The following PRKN variants were observed in gnomAD, a reference collection of about 807,000 sequenced individuals.
PRKN encodes the protein E3 ubiquitin-protein ligase parkin.
PRKN carries 56 observed loss-of-function variants against 59.5 expected under a neutral mutation model. The ratio of observed to expected loss-of-function variants is 0.94; its 90% CI spans 0.76 to 1.18. The LOEUF is 1.18. Ranked by LOEUF, PRKN falls within the 50% of genes most tolerant of loss-of-function variation. The pLI is 0.00. For missense variants in PRKN, 657 were observed against 596.4 expected (o/e 1.10, Z -1.06); for synonymous variants, 250 against 222.1 (o/e 1.13, Z -1.12).
chr6:161,766,861 A>T (rs1789443804), intron 7 of PRKN, among the ~76,000 whole-genome samples: 1 of 152,208 alleles, frequency 6.6e-6, no homozygotes. Flanking sequence ...TTTGTGAATA[A>T]AAGGTGGAGA....
chr6:162,620,160 C>T (rs938891702), intron 1 of PRKN, among the ~76,000 whole-genome samples: 2 of 152,108 alleles, frequency 1.3e-5, no homozygotes, highest in Non-Finnish European at 2.9e-5. Flanking sequence ...CTCCTGACTT[C>T]TGGCATTTGT....
chr6:162,197,144 C>T lies in PRKN; in HGVS notation c.534+3987G>A, dbSNP rs573190416. Among the ~76,000 whole-genome samples the T allele has an allele frequency of 7.2e-5, 11 of 152,166 alleles. 1 individual carries two copies. Among genetic ancestry groups the T allele is most frequent in the African/African-American group, 1.9e-4 (8 of 41,524 alleles). ...GATCAGAGACAATTATGTAAGTTAT[C>T]GATCCTTATAAAGTTCTAGAAAATG... On this transcript the variant is annotated intron_variant, in intron 4 of 11. Coordinates refer to ENST00000366898, the MANE Select transcript of PRKN (RefSeq NM_004562.3).
intron 4 of PRKN, among the ~76,000 whole-genome samples, chr6:162,058,619 G>C (rs1372563942): frequency 6.6e-6 from 1 of 152,178 alleles, no homozygotes; most frequent in Non-Finnish European, 1.5e-5. Flanking sequence ...CATGACACAT[G>C]CAATGGTCAA....
chr6:162,188,795 T>TA (rs1554282308), intron 4 of PRKN, among the ~76,000 whole-genome samples: 18 of 151,134 alleles, frequency 1.2e-4, no homozygotes, highest in South Asian at 6.3e-4. Context: ...TTTTTTTTTT[T>TA]AAATAACAAA....
At chr6:162,193,643 T>G (rs1359272446) in intron 4 of PRKN, among the ~76,000 whole-genome samples, 2 of 152,098 alleles carry the variant, frequency 1.3e-5, no homozygotes, top group Admixed American at 1.3e-4. Context: ...TATACATGTG[T>G]GTCCTATGGC....
chr6:161,942,321 A>G (rs896516515), intron 6 of PRKN, among the ~76,000 whole-genome samples: 1 of 152,138 alleles, frequency 6.6e-6, no homozygotes, highest in African/African-American at 2.4e-5. Flanking sequence ...GCCTGAGATC[A>G]GGAGTTTGAG....
At chr6:161,863,896 G>A in intron 6 of PRKN, among the ~76,000 whole-genome samples, 1 of 152,176 alleles carries the variant, frequency 6.6e-6, no homozygotes. Context: ...GTCATATTAA[G>A]TGTACAAGAG....
Position 161,844,306 on chromosome 6 carries a change from G to A in PRKN, c.735-58398C>T, listed in dbSNP as rs57377497. On this transcript the variant is annotated intron_variant, in intron 6 of 11. Coordinates refer to ENST00000366898, the MANE Select transcript of PRKN (RefSeq NM_004562.3). ...AAATTACAAAGTCGCATCAAAAGCAGAAATGAACATTGCAGAATGGGAGTA... is the reference window on the plus strand; with the variant it reads ...AAATTACAAAGTCGCATCAAAAGCAAAAATGAACATTGCAGAATGGGAGTA... Among the ~76,000 whole-genome samples, 1,873 of 152,288 alleles carry A rather than the reference G, an allele frequency of 0.012. 53 individuals carry two copies. In the East Asian group the frequency reaches 0.12, roughly 10 times the overall value.
chr6:161,954,200 G>A (rs1404914667), intron 6 of PRKN, among the ~76,000 whole-genome samples: 5 of 152,102 alleles, frequency 3.3e-5, no homozygotes, highest in Admixed American at 1.3e-4. Context: ...ATAATACATC[G>A]AAGCGAAGCA....
chr6:161,597,984 G>A (rs1011060313), intron 7 of PRKN, among the ~76,000 whole-genome samples: 2 of 152,096 alleles, frequency 1.3e-5, no homozygotes, highest in African/African-American at 4.8e-5. Context: ...AGGTCCTATG[G>A]TTTTAATCAG....
chr6:161,730,127 A>ATTCTGATGTGTTGGATTCT (rs1787618732), intron 7 of PRKN, among the ~76,000 whole-genome samples: 1 of 148,508 alleles, frequency 6.7e-6, no homozygotes, highest in African/African-American at 2.5e-5. Context: ...GATGTGTTGC[A>ATTCTGATGTGTTGGATTCT]TTCTGATGTG....
At chr6:162,034,083 C>A (rs1783744187) in intron 5 of PRKN, among the ~76,000 whole-genome samples, 1 of 150,342 alleles carries the variant, frequency 6.7e-6, no homozygotes, top group South Asian at 2.1e-4. Flanking sequence ...AGGGGAGCAG[C>A]AAATATGCAT....
At chr6:162,404,944 A>T (rs777654702) in intron 2 of PRKN, among the ~76,000 whole-genome samples, 2 of 152,218 alleles carry the variant, frequency 1.3e-5, no homozygotes, top group Admixed American at 1.3e-4. Flanking sequence ...CTTCCTTCAT[A>T]GATCTCTATA....
At chr6:162,351,816 A>G (rs1784638084) in intron 2 of PRKN, among the ~76,000 whole-genome samples, 1 of 152,010 alleles carries the variant, frequency 6.6e-6, no homozygotes, top group South Asian at 2.1e-4. Flanking sequence ...ATATACCCTG[A>G]GGTTTTTGTG....
intron 4 of PRKN, among the ~76,000 whole-genome samples, chr6:162,107,194 A>G (rs927923196): frequency 6.6e-5 from 10 of 152,298 alleles, no homozygotes; most frequent in African/African-American, 2.2e-4. Flanking sequence ...GCCGGGCTCA[A>G]TGGTTCAGGC....
Position 161,456,316 on chromosome 6 carries a change from T to C in PRKN, c.1084-69439A>G, listed in dbSNP as rs75380908. Among the ~76,000 whole-genome samples the C allele has an allele frequency of 0.018, 2,678 of 152,280 alleles. 87 individuals are homozygous for C. The highest frequency in any genetic ancestry group is 0.061 in the African/African-American group (2,527 of 41,554). ...GAGTCTTCCGGCTTTCAAATTTCTC[T>C]CGCATTGAAAGCTTCCTGCCCTGGA... On this transcript the variant is annotated intron_variant, in intron 9 of 11. Transcript: ENST00000366898. This position sits in a 1 kb window ranked among gnomAD's most constrained non-coding sequence, Gnocchi z 4.8.
chr6:161,624,841 C>T (rs1783029342), intron 7 of PRKN, among the ~76,000 whole-genome samples: 1 of 152,212 alleles, frequency 6.6e-6, no homozygotes, highest in South Asian at 2.1e-4. Context: ...TCCTGAATTA[C>T]TTTTAATCTA....
intron 6 of PRKN, among the ~76,000 whole-genome samples, chr6:161,929,849 T>C (rs1244470390): frequency 6.6e-6 from 1 of 152,106 alleles, no homozygotes; most frequent in African/African-American, 2.4e-5. Context: ...AAACACTTCC[T>C]AAAATTATGA....
rs1480247691 is a variant in PRKN at position 161,357,477 on chromosome 6, A to G, written c.1285+2611T>C. Among the ~76,000 whole-genome samples the G allele has an allele frequency of 2.6e-5, 4 of 152,252 alleles. No homozygotes were observed. Among genetic ancestry groups the G allele is most frequent in the Non-Finnish European group, 2.9e-5 (2 of 68,040 alleles). On this transcript the variant is annotated intron_variant, in intron 11 of 11. Transcript: ENST00000366898. The surrounding 1 kb of genome is among the most constrained non-coding windows in gnomAD (Gnocchi z 5.5). ...ACCTGCCGTGCCTGTGACGCCTGCCAGAAGTGGGAACATGGGTGGGTGTTT... is the reference window on the plus strand; with the variant it reads ...ACCTGCCGTGCCTGTGACGCCTGCCGGAAGTGGGAACATGGGTGGGTGTTT...
Sources: allele counts gnomAD v4.1 joint callset (sites outside exome capture counted in the v4.1 genomes callset), GRCh38; gene constraint gnomAD v4.1.1; non-coding constraint Gnocchi (gnomAD v3.1); transcripts MANE v1.5; gene names NCBI Gene and HGNC (gene_info 2026-07-23, HGNC 2026-07-21).